Variants in CRPPA observed in about 807,000 individuals in gnomAD.
The protein encoded by CRPPA is D-ribitol-5-phosphate cytidylyltransferase.
A neutral mutation model predicts 52.0 loss-of-function variants in CRPPA; 43 were observed. The observed-to-expected ratio is 0.83, with a 90% CI of 0.65 to 1.07. CRPPA has a LOEUF of 1.07. Ranked by LOEUF, CRPPA falls within the 50% of genes least tolerant of loss-of-function variation. CRPPA has a pLI of 0.00. For missense variants in CRPPA, 629 were observed against 551.7 expected, an observed-to-expected ratio of 1.14 and a Z score of -1.40; for synonymous variants, 250 against 203.5, an observed-to-expected ratio of 1.23 and a Z score of -1.94.
chr7:16,268,504 A>G (rs867874343), intron 6 of CRPPA, among the ~76,000 whole-genome samples: 3 of 152,158 alleles, frequency 2.0e-5, no homozygotes, highest in Admixed American at 6.6e-5. Flanking sequence ...TTTATACATA[A>G]AATTTCCCTC....
chr7:16,216,368 T>C lies in CRPPA; in HGVS notation c.1120-171A>G, dbSNP rs1040799895. 1.0e-5 allele frequency: 5 copies of C among 481,730 alleles called. No individual in the cohort carries two copies. The Admixed American group carries it at 1.6e-4, about 15-fold the overall frequency. 29.8% of individuals were successfully genotyped at this position (481,730 alleles called of 1,614,324 possible). On this transcript the variant is annotated intron_variant, in intron 8 of 9. Transcript: ENST00000407010. Reference sequence around the variant, plus strand: ...AGCCATACTTAAGATCGATGAATCCTCCTTTATAAACACAGATGTAGTAAA... The same window carrying C: ...AGCCATACTTAAGATCGATGAATCCCCCTTTATAAACACAGATGTAGTAAA...
chr7:16,352,276 G>A (rs1786175952), intron 3 of CRPPA, among the ~76,000 whole-genome samples: 1 of 151,956 alleles, frequency 6.6e-6, no homozygotes. Flanking sequence ...GGGGTGGGGA[G>A]CAAGGGGAGG....
chr7:16,099,632 C>G (rs772437938), intron 9 of CRPPA, among the ~76,000 whole-genome samples: 1 of 152,162 alleles, frequency 6.6e-6, no homozygotes, highest in Non-Finnish European at 1.5e-5. Context: ...AACTACAGTG[C>G]TCAGAGCCAG....
chr7:16,200,603 G>A (rs1024865765), intron 9 of CRPPA, among the ~76,000 whole-genome samples: 11 of 152,290 alleles, frequency 7.2e-5, no homozygotes, highest in African/African-American at 2.6e-4. Context: ...TAATCAAGCT[G>A]CAGCTACCTT....
intron 1 of CRPPA, among the ~76,000 whole-genome samples, chr7:16,407,831 G>A (rs1303123938): frequency 6.6e-6 from 1 of 152,106 alleles, no homozygotes; most frequent in Non-Finnish European, 1.5e-5. Context: ...CATCGGCCGG[G>A]CATGGTGGCT....
At chr7:16,264,938 A>G (rs1043420428) in intron 6 of CRPPA, among the ~76,000 whole-genome samples, 3 of 152,184 alleles carry the variant, frequency 2.0e-5, no homozygotes, top group African/African-American at 7.2e-5. Context: ...TGGGCAAGTT[A>G]CGTAAGTCCT....
intron 3 of CRPPA, among the ~76,000 whole-genome samples, chr7:16,321,807 A>G (rs1452673334): frequency 6.6e-6 from 1 of 152,176 alleles, no homozygotes; most frequent in Non-Finnish European, 1.5e-5. Context: ...GAAAAAGAAT[A>G]ACTGGAAAAC....
intron 5 of CRPPA, among the ~76,000 whole-genome samples, chr7:16,297,055 G>T (rs1280111325): frequency 6.6e-6 from 1 of 152,170 alleles, no homozygotes; most frequent in Admixed American, 6.5e-5. Context: ...TTAGCAGGCA[G>T]CAGGAGTAGC....
In CRPPA at chr7:16,286,036, AAAATATAAATATATATATATATAT is replaced by A. The variant is rs1422492046; in HGVS notation, c.836-7834_836-7811del. ...ACTCCATCTCAAAAAAAAAAAAAAA[AAAATATAAATATATATATATATAT>A]ATATATATATATATATATATAATAT... On this transcript the variant is annotated intron_variant, in intron 5 of 9. Coordinates refer to ENST00000407010, the MANE Select transcript of CRPPA (RefSeq NM_001101426.4). 2.7e-3 allele frequency among the ~76,000 whole-genome samples: 51 copies of A among 18,802 alleles called. 3 individuals are homozygous for A. Among genetic ancestry groups the A allele is most frequent in the African/African-American group, 0.019 (50 of 2,572 alleles). The allele number at this position is 18,802 out of a possible 152,430, so 12.3% of individuals were successfully genotyped here.
intron 2 of CRPPA, among the ~76,000 whole-genome samples, chr7:16,376,960 G>T (rs939480237): frequency 6.6e-6 from 1 of 152,066 alleles, no homozygotes; most frequent in African/African-American, 2.4e-5. Context: ...TAGTGAAACC[G>T]CTTTAAAATA....
At chr7:16,331,161 G>A (rs961914645) in intron 3 of CRPPA, among the ~76,000 whole-genome samples, 8 of 152,044 alleles carry the variant, frequency 5.3e-5, no homozygotes, top group Non-Finnish European at 1.2e-4. Flanking sequence ...CACCATGCCC[G>A]GCTAATTTTT....
At chr7:16,145,075 A>G (rs1011722081) in intron 9 of CRPPA, among the ~76,000 whole-genome samples, 2 of 152,204 alleles carry the variant, frequency 1.3e-5, no homozygotes, top group Admixed American at 6.5e-5. Flanking sequence ...TAAGTGCCCC[A>G]GGAATTGGCC....
chr7:16,179,137 A>G (rs926896355), intron 9 of CRPPA, among the ~76,000 whole-genome samples: 1 of 152,112 alleles, frequency 6.6e-6, no homozygotes, highest in South Asian at 2.1e-4. Context: ...AAATATGTCC[A>G]TATATTTTAC....
At chr7:16,293,672 C>T (rs946168445) in intron 5 of CRPPA, among the ~76,000 whole-genome samples, 3 of 151,938 alleles carry the variant, frequency 2.0e-5, no homozygotes, top group African/African-American at 4.8e-5. Flanking sequence ...CACGCCCACA[C>T]TGAAAGGTCA....
intron 9 of CRPPA, among the ~76,000 whole-genome samples, chr7:16,098,177 G>C (rs1335966711): frequency 6.6e-6 from 1 of 152,114 alleles, no homozygotes; most frequent in East Asian, 1.9e-4. Flanking sequence ...AAGAATAGCA[G>C]GAAAAGCTAT....
chr7:16,238,487 T>C (rs994693229), intron 8 of CRPPA, among the ~76,000 whole-genome samples: 1 of 152,090 alleles, frequency 6.6e-6, no homozygotes, highest in Non-Finnish European at 1.5e-5. Flanking sequence ...AAAGGATAGA[T>C]TCACTGATGA....
At chr7:16,345,689 T>A (rs1173463101) in intron 3 of CRPPA, among the ~76,000 whole-genome samples, 1 of 152,168 alleles carries the variant, frequency 6.6e-6, no homozygotes, top group African/African-American at 2.4e-5. Context: ...TATACAGACA[T>A]ACTGGAGGCT....
chr7:16,360,748 T>A (rs1416191366), intron 3 of CRPPA, among the ~76,000 whole-genome samples: 5 of 152,128 alleles, frequency 3.3e-5, no homozygotes, highest in Non-Finnish European at 5.9e-5. Flanking sequence ...AAGACCTAAA[T>A]ATAAGTTAAA....
chr7:16,382,688 T>C (rs1787133769), intron 2 of CRPPA, among the ~76,000 whole-genome samples: 1 of 152,038 alleles, frequency 6.6e-6, no homozygotes, highest in Admixed American at 6.6e-5. Flanking sequence ...GCTTTGTTCG[T>C]TTCTTTTTAT....
Sources: allele counts gnomAD v4.1 joint callset (sites outside exome capture counted in the v4.1 genomes callset), GRCh38; gene constraint gnomAD v4.1.1; transcripts MANE v1.5; gene names NCBI Gene and HGNC (gene_info 2026-07-23, HGNC 2026-07-21).